The following VTI1A variants were observed in gnomAD, a reference collection of about 807,000 sequenced individuals.
The protein encoded by VTI1A is vesicle transport through interaction with t-SNAREs homolog 1A.
In VTI1A, 22 loss-of-function variants were observed where a neutral mutation model predicts 34.9. The observed-to-expected ratio is 0.63, with a 90% CI of 0.45 to 0.90. The LOEUF (loss-of-function observed/expected upper bound fraction) is 0.90. Among genes scored for constraint, VTI1A ranks in the 40% least tolerant of loss-of-function variants. The probability of loss-of-function intolerance (pLI) is 0.00; values close to 1 mark genes in which losing one functional copy is unlikely to be tolerated. For missense variants in VTI1A, 268 were observed against 275.6 expected (o/e 0.97, Z 0.20); for synonymous variants, 87 against 97.3 (o/e 0.89, Z 0.62).
chr10:112,820,472 A>G (rs569021017), downstream of VTI1A, among the ~76,000 whole-genome samples: 265 of 152,368 alleles, frequency 1.7e-3, no homozygotes, highest in African/African-American at 6.1e-3. Context: ...GACTCAGACC[A>G]GTGGCACCTG....
intron 3 of VTI1A, among the ~76,000 whole-genome samples, chr10:112,518,547 TTCTC>T (rs57853028): frequency 0.017 from 1,736 of 101,406 alleles, 11 homozygotes; most frequent in Middle Eastern, 0.023. Flanking sequence ...TCATATCTCT[TTCTC>T]TCTCTCTCTC....
chr10:112,750,904 T>C (rs182065299), intron 7 of VTI1A, among the ~76,000 whole-genome samples: 2 of 152,336 alleles, frequency 1.3e-5, no homozygotes, highest in East Asian at 3.9e-4. Context: ...AGTATCTCAC[T>C]ATCTTTGAGA....
chr10:112,831,185 G>GAATGAATT, the VTI1A span: 2 of 152,056 alleles, frequency 1.3e-5, no homozygotes, highest in Admixed American at 1.3e-4. Flanking sequence ...ATGAATGAAT[G>GAATGAATT]AATGAATGGG....
chr10:112,662,675 CT>C (rs1251908984), intron 5 of VTI1A, among the ~76,000 whole-genome samples: 2 of 151,958 alleles, frequency 1.3e-5, no homozygotes, highest in Admixed American at 1.3e-4. Flanking sequence ...CTTGATTATT[CT>C]TTTTTCCTGT....
chr10:112,466,342 G>C (rs897651954), intron 3 of VTI1A, among the ~76,000 whole-genome samples: 1 of 152,098 alleles, frequency 6.6e-6, no homozygotes, highest in Non-Finnish European at 1.5e-5. Context: ...TTTTGTATGT[G>C]AATGGCTACT....
intron 7 of VTI1A, among the ~76,000 whole-genome samples, chr10:112,733,811 A>G (rs1373211857): frequency 6.8e-6 from 1 of 147,900 alleles, no homozygotes; most frequent in African/African-American, 2.7e-5. Flanking sequence ...GCTGGAGTGC[A>G]GTGGTGTGAT....
At chr10:112,630,543 G>T (rs566921773) in intron 5 of VTI1A, among the ~76,000 whole-genome samples, 1 of 152,150 alleles carries the variant, frequency 6.6e-6, no homozygotes, top group Non-Finnish European at 1.5e-5. Context: ...ATAAAGAAAT[G>T]GAAGCTCAGA....
At chr10:112,550,906 A>G (rs1278187375) in intron 5 of VTI1A, among the ~76,000 whole-genome samples, 1 of 152,156 alleles carries the variant, frequency 6.6e-6, no homozygotes, top group Non-Finnish European at 1.5e-5. Flanking sequence ...TCAAGTGTCT[A>G]AGGTCCTGGT....
Position 112,557,161 on chromosome 10 carries a change from G to A in VTI1A, c.427+18831G>A, listed in dbSNP as rs937559139. On this transcript the variant is annotated intron_variant, in intron 5 of 7. Coordinates refer to ENST00000393077, the MANE Select transcript of VTI1A (RefSeq NM_145206.4). Reference sequence around the variant, plus strand: ...CTTATTTTCATACATATTCTTAATAGCCTCTTTTACTTTCTCTTCTAGGAT... The same window carrying A: ...CTTATTTTCATACATATTCTTAATAACCTCTTTTACTTTCTCTTCTAGGAT... Among the ~76,000 whole-genome samples the A allele has an allele frequency of 2.6e-5, 4 of 151,922 alleles. No homozygotes were observed. The South Asian group carries it at 6.3e-4, about 24-fold the overall frequency.
At chr10:112,653,574 T>C (rs965264624) in intron 5 of VTI1A, among the ~76,000 whole-genome samples, 4 of 152,348 alleles carry the variant, frequency 2.6e-5, no homozygotes, top group African/African-American at 9.6e-5. Context: ...AGATTCCTTG[T>C]CTTGAAATGG....
At chr10:112,726,549 G>A (rs1390248873) in intron 7 of VTI1A, among the ~76,000 whole-genome samples, 1 of 152,168 alleles carries the variant, frequency 6.6e-6, no homozygotes, top group African/African-American at 2.4e-5. Context: ...TTCCTAGGAA[G>A]CATGGGCAGT....
chr10:112,740,437 G>A (rs554085407), intron 7 of VTI1A, among the ~76,000 whole-genome samples: 35 of 152,254 alleles, frequency 2.3e-4, no homozygotes, highest in African/African-American at 7.0e-4. Flanking sequence ...CCACAGGCAC[G>A]TCCCACAACA....
chr10:112,608,847 G>T (rs914500535), intron 5 of VTI1A, among the ~76,000 whole-genome samples: 3 of 152,034 alleles, frequency 2.0e-5, no homozygotes, highest in Non-Finnish European at 2.9e-5. Flanking sequence ...TTTCCATATT[G>T]CTTGAAACTG....
At chr10:112,624,078 G>A (rs1845830138) in intron 5 of VTI1A, among the ~76,000 whole-genome samples, 1 of 152,198 alleles carries the variant, frequency 6.6e-6, no homozygotes. Flanking sequence ...GAACTTAGGG[G>A]CTCAGGAGTT....
At chr10:112,740,634 C>T (rs1255356076) in intron 7 of VTI1A, among the ~76,000 whole-genome samples, 1 of 152,174 alleles carries the variant, frequency 6.6e-6, no homozygotes, top group Non-Finnish European at 1.5e-5. Context: ...ATACTACTTC[C>T]CACCTACTAG....
chr10:112,531,120 C>T (rs965418568), intron 4 of VTI1A, among the ~76,000 whole-genome samples: 6 of 151,274 alleles, frequency 4.0e-5, no homozygotes, highest in South Asian at 2.1e-4. Flanking sequence ...CACGTGCGCG[C>T]GCGCGCATGA....
intron 7 of VTI1A, among the ~76,000 whole-genome samples, chr10:112,803,311 A>G (rs1436489214): frequency 1.3e-5 from 2 of 151,874 alleles, no homozygotes; most frequent in East Asian, 3.9e-4. Flanking sequence ...CAAGTGATCC[A>G]CCCGCCTTGG....
intron 7 of VTI1A, among the ~76,000 whole-genome samples, chr10:112,675,501 T>C (rs1199598704): frequency 6.6e-6 from 1 of 152,192 alleles, no homozygotes; most frequent in Non-Finnish European, 1.5e-5. Context: ...CTGAAGGCGC[T>C]CAGCTGCAGC....
At chr10:112,526,993 C>A in intron 3 of VTI1A, 94 bp from the exon 4 acceptor site, 1 of 1,234,550 alleles carries the variant, frequency 8.1e-7, no homozygotes, top group Non-Finnish European at 1.2e-6. Context: ...AGGGGGCTCT[C>A]GAGGTTTGAG....
Sources: gnomAD v4.1 joint callset for allele counts (sites outside exome capture counted in the v4.1 genomes callset) on GRCh38, gnomAD v4.1.1 for gene constraint, MANE v1.5 for transcripts, NCBI Gene and HGNC (gene_info 2026-07-23, HGNC 2026-07-21) for gene names.